The following DAB1 variants were observed in gnomAD, a reference collection of about 807,000 sequenced individuals.
The protein encoded by DAB1 is disabled homolog 1.
A neutral mutation model predicts 64.6 loss-of-function variants in DAB1; 15 were observed. The observed-to-expected ratio is 0.23, with a 90% confidence interval of 0.16 to 0.36. DAB1 has a LOEUF of 0.36. Ranked by LOEUF, DAB1 falls within the 10% of genes least tolerant of loss-of-function variation. The pLI is 1.00. For missense variants in DAB1, 596 were observed against 706.7 expected (o/e 0.84, Z 1.78); for synonymous variants, 235 against 251.9 (o/e 0.93, Z 0.64).
chr1:58,536,512 C>A, intron 1 of DAB1: 1 of 870,140 alleles, frequency 1.1e-6, no homozygotes, highest in South Asian at 1.3e-5. Flanking sequence ...TTACTACTTA[C>A]TGCTTCATAT....
intron 1 of DAB1, among the ~76,000 whole-genome samples, chr1:57,419,938 A>G (rs1187330338): frequency 1.3e-5 from 2 of 152,262 alleles, no homozygotes; most frequent in Non-Finnish European, 2.9e-5. Flanking sequence ...TAACTGAGAA[A>G]AGCAGTAATG....
chr1:57,038,207 T>C (rs565794026), intron 9 of DAB1, among the ~76,000 whole-genome samples: 121 of 152,334 alleles, frequency 7.9e-4, no homozygotes, highest in African/African-American at 2.7e-3. Flanking sequence ...GACTGGAAGA[T>C]GTCTGTGGGA....
At chr1:58,459,190 A>T (rs1330812570) in intron 3 of DAB1, among the ~76,000 whole-genome samples, 1 of 152,254 alleles carries the variant, frequency 6.6e-6, no homozygotes, top group Non-Finnish European at 1.5e-5. Flanking sequence ...CAGGATTTTG[A>T]GCATTGCGTT....
chr1:58,197,462 C>T (rs182451825), intron 4 of DAB1, among the ~76,000 whole-genome samples: 66 of 150,614 alleles, frequency 4.4e-4, no homozygotes, highest in African/African-American at 1.5e-3. Flanking sequence ...TCCAGTGGTG[C>T]CATCTCAGCT....
intron 5 of DAB1, among the ~76,000 whole-genome samples, chr1:57,953,656 C>G (rs1249533610): frequency 1.3e-5 from 2 of 152,144 alleles, no homozygotes; most frequent in Non-Finnish European, 2.9e-5. Context: ...GCCCTGGAAT[C>G]TAATTGTTAA....
intron 4 of DAB1, among the ~76,000 whole-genome samples, chr1:58,200,160 A>C (rs1657919071): frequency 6.6e-6 from 1 of 152,190 alleles, no homozygotes; most frequent in Admixed American, 6.5e-5. Context: ...AAAGTATTCA[A>C]GGAGTGACAA....
chr1:57,170,861 T>G (rs956640087), intron 2 of DAB1, among the ~76,000 whole-genome samples: 1 of 152,140 alleles, frequency 6.6e-6, no homozygotes, highest in African/African-American at 2.4e-5. Flanking sequence ...CCCACAGGTG[T>G]GAGGCTTTTG....
intron 5 of DAB1, among the ~76,000 whole-genome samples, chr1:57,931,067 T>C (rs1307596820): frequency 2.6e-5 from 4 of 152,188 alleles, no homozygotes; most frequent in Non-Finnish European, 4.4e-5. Flanking sequence ...TTAATAGACA[T>C]TGGATTTTGT....
At chr1:57,962,181 C>T (rs911167100) in intron 5 of DAB1, among the ~76,000 whole-genome samples, 24 of 152,100 alleles carry the variant, frequency 1.6e-4, no homozygotes, top group Middle Eastern at 3.2e-3. Context: ...TCTCGACTTG[C>T]TCATCTTTAA....
intron 6 of DAB1, among the ~76,000 whole-genome samples, chr1:57,651,576 C>T (rs966796924): frequency 2.0e-5 from 3 of 151,874 alleles, no homozygotes; most frequent in Admixed American, 6.6e-5. Flanking sequence ...TAACTTTGAA[C>T]AATTTATTTG....
At chr1:57,072,864 G>T (rs1055961178) in intron 4 of DAB1, among the ~76,000 whole-genome samples, 6 of 152,200 alleles carry the variant, frequency 3.9e-5, no homozygotes, top group African/African-American at 1.4e-4. Flanking sequence ...CTATACATGT[G>T]CATGGTGACA....
intron 4 of DAB1, among the ~76,000 whole-genome samples, chr1:58,191,538 C>T (rs578156633): frequency 2.0e-5 from 3 of 152,260 alleles, no homozygotes; most frequent in African/African-American, 7.2e-5. Flanking sequence ...AGGACTGTCC[C>T]AGGTCACTGG....
intron 4 of DAB1, among the ~76,000 whole-genome samples, chr1:58,242,255 A>C (rs1274430573): frequency 2.0e-5 from 3 of 152,078 alleles, no homozygotes; most frequent in Non-Finnish European, 4.4e-5. Flanking sequence ...TATTTAAACC[A>C]ATGACAAAAA....
intron 14 of DAB1, among the ~76,000 whole-genome samples, chr1:57,005,528 C>T (rs1157399219): frequency 6.6e-6 from 1 of 152,074 alleles, no homozygotes; most frequent in Non-Finnish European, 1.5e-5. Flanking sequence ...GGGATTGGTT[C>T]CATGCTGTAG....
intron 1 of DAB1, among the ~76,000 whole-genome samples, chr1:57,292,307 G>T (rs1330220364): frequency 6.6e-6 from 1 of 152,066 alleles, no homozygotes; most frequent in South Asian, 2.1e-4. Context: ...TCAATATGAG[G>T]AAATTCCCAC....
intron 2 of DAB1, among the ~76,000 whole-genome samples, chr1:57,192,302 G>A (rs1664206578): frequency 1.4e-5 from 2 of 145,374 alleles, no homozygotes; most frequent in Non-Finnish European, 3.0e-5. Flanking sequence ...GGGTGACAGA[G>A]CAAGTGAGAC....
intron 4 of DAB1, among the ~76,000 whole-genome samples, chr1:58,294,864 A>ATGTGTGTGTGTG (rs1661931099): frequency 2.9e-5 from 1 of 34,944 alleles, no homozygotes; most frequent in Non-Finnish European, 8.4e-5. Context: ...TTGGTCCAGA[A>ATGTGTGTGTGTG]CGTGTGTGTG....
chr1:57,854,843 C>T (rs939532350), intron 1 of DAB1, among the ~76,000 whole-genome samples: 1 of 152,152 alleles, frequency 6.6e-6, no homozygotes, highest in African/African-American at 2.4e-5. Context: ...TGAAAAGGGC[C>T]TTTTATGTGA....
At chr1:57,198,675 A>ACT (rs1476593194) in intron 2 of DAB1, among the ~76,000 whole-genome samples, 71 of 151,346 alleles carry the variant, frequency 4.7e-4, no homozygotes, top group Admixed American at 1.6e-3. Context: ...ACACACACAC[A>ACT]CACACACACA....
Sources: allele counts gnomAD v4.1 joint callset (sites outside exome capture counted in the v4.1 genomes callset), GRCh38; gene constraint gnomAD v4.1.1; transcripts MANE v1.5; gene names NCBI Gene and HGNC (gene_info 2026-07-23, HGNC 2026-07-21).